Variants in PRKCQ observed in about 807,000 individuals in gnomAD.
The protein encoded by PRKCQ is protein kinase C theta.
A neutral mutation model predicts 91.2 loss-of-function variants in PRKCQ; 41 were observed. The ratio of observed to expected loss-of-function variants is 0.45; its 90% CI spans 0.35 to 0.58. The LOEUF (loss-of-function observed/expected upper bound fraction) is 0.58, where lower values mean the gene tolerates loss of function less well. Ranked by LOEUF, PRKCQ falls within the 20% of genes least tolerant of loss-of-function variation. The probability of loss-of-function intolerance (pLI) is 0.00; values close to 1 mark genes in which losing one functional copy is unlikely to be tolerated. For synonymous variants in PRKCQ, 307 were observed against 316.9 expected (o/e 0.97, Z 0.33); for missense variants, 673 against 896.5 (o/e 0.75, Z 3.18).
At chr10:6,401,511 G>GT in the PRKCQ span, among the ~76,000 whole-genome samples, 874 of 146,444 alleles carry the variant, frequency 6.0e-3, 5 homozygotes, top group Admixed American at 0.014. Flanking sequence ...GAGAGGGCTG[G>GT]TTTTTTTTTT....
chr10:6,408,961 G>A, the PRKCQ span, among the ~76,000 whole-genome samples: 4 of 152,170 alleles, frequency 2.6e-5, no homozygotes, highest in Non-Finnish European at 4.4e-5. Context: ...ATTGTTTTCC[G>A]AAGCTACTGT....
intron 16 of PRKCQ, among the ~76,000 whole-genome samples, chr10:6,435,182 C>T (rs1347308863): frequency 6.6e-6 from 1 of 152,228 alleles, no homozygotes; most frequent in Admixed American, 6.5e-5. Context: ...AGAGCACAGC[C>T]TCTCCCAGTG....
At chr10:6,458,092 G>A (rs1448666370) in intron 14 of PRKCQ, among the ~76,000 whole-genome samples, 1 of 152,148 alleles carries the variant, frequency 6.6e-6, no homozygotes, top group Non-Finnish European at 1.5e-5. Context: ...CCATCGCCAT[G>A]CCTGGCTAAT....
intron 11 of PRKCQ, among the ~76,000 whole-genome samples, chr10:6,480,529 C>G (rs983802053): frequency 3.3e-5 from 5 of 152,242 alleles, no homozygotes; most frequent in African/African-American, 1.2e-4. Context: ...AAAATTCTAG[C>G]TCTAGTTTTA....
At chr10:6,550,987 G>A (rs1840161227) in intron 1 of PRKCQ, among the ~76,000 whole-genome samples, 1 of 152,092 alleles carries the variant, frequency 6.6e-6, no homozygotes, top group Non-Finnish European at 1.5e-5. Context: ...GTAATGTTGA[G>A]CATCTTCTCT....
intron 1 of PRKCQ, among the ~76,000 whole-genome samples, chr10:6,551,788 CGT>C (rs1564388856): frequency 1.3e-5 from 2 of 152,196 alleles, no homozygotes; most frequent in Non-Finnish European, 1.5e-5. Flanking sequence ...CACACACGTG[CGT>C]GTGTCTTTAT....
chr10:6,472,558 G>T (rs748574637), intron 12 of PRKCQ, among the ~76,000 whole-genome samples: 1 of 152,134 alleles, frequency 6.6e-6, no homozygotes, highest in African/African-American at 2.4e-5. Context: ...TGCGTTTTAC[G>T]CCTTGAGAGA....
intron 1 of PRKCQ, among the ~76,000 whole-genome samples, chr10:6,556,203 G>T (rs1289252045): frequency 6.6e-6 from 1 of 152,174 alleles, no homozygotes; most frequent in Non-Finnish European, 1.5e-5. Flanking sequence ...GCTGAGATAG[G>T]AGGATCACTT....
intron 1 of PRKCQ, among the ~76,000 whole-genome samples, chr10:6,553,722 T>C (rs1019509867): frequency 3.9e-5 from 6 of 152,062 alleles, no homozygotes; most frequent in Non-Finnish European, 7.4e-5. Flanking sequence ...TGCAAAGCAA[T>C]AGACCTACAA....
rs564565263 is a variant in PRKCQ, at chr10:6,427,984, G to A, written c.*223C>T. On this transcript the variant is annotated 3_prime_UTR_variant, in exon 18 of 18. Coordinates refer to ENST00000263125, the MANE Select transcript of PRKCQ (RefSeq NM_006257.5). ...GGTTAGTAATGACCTAACTTCAGGA[G>A]CGTCTGTGAGACATGTCAGGAGACG... 1 of 563,498 alleles carries A rather than the reference G, an allele frequency of 1.8e-6. No homozygotes were observed. The allele number at this position is 563,498 out of a possible 1,614,324, so 34.9% of individuals were successfully genotyped here. A position where few individuals can be genotyped will look rare whatever the true frequency, so the allele number is the denominator to read the frequency against.
At position 6,478,960 on chromosome 10, in the gene PRKCQ, G is replaced by A. The variant is rs749720348; in HGVS notation, c.1353+32C>T. The A allele has an allele frequency of 3.7e-6, 6 of 1,610,766 alleles. No individual in the cohort carries two copies. In the South Asian group the frequency reaches 5.5e-5, roughly 15 times the overall value. ...GGTATCATGCTGAGACAGGTTAGAG[G>A]GGAGGTAGGGTTGTCGGAGCAGAAG... is the stretch of plus-strand genomic sequence containing the variant. On this transcript the variant is annotated intron_variant, in intron 12 of 17. Transcript: ENST00000263125.
chr10:6,431,971 TTAAA>T (rs1185833979), intron 16 of PRKCQ, among the ~76,000 whole-genome samples: 4 of 152,202 alleles, frequency 2.6e-5, no homozygotes, highest in Non-Finnish European at 4.4e-5. Context: ...TTTTTCAAAC[TTAAA>T]TAAAACCTGT....
At chr10:6,470,900 G>A (rs951632470) in intron 12 of PRKCQ, among the ~76,000 whole-genome samples, 4 of 149,638 alleles carry the variant, frequency 2.7e-5, no homozygotes, top group African/African-American at 5.0e-5. Context: ...GTATTGAGCC[G>A]CCTGGGCAAC....
chr10:6,490,415 A>T (rs1837219277), intron 8 of PRKCQ, among the ~76,000 whole-genome samples: 1 of 152,070 alleles, frequency 6.6e-6, no homozygotes, highest in Non-Finnish European at 1.5e-5. Flanking sequence ...TATATATTTA[A>T]TACTTCATCA....
At chr10:6,501,542 C>A (rs887685865) in intron 4 of PRKCQ, among the ~76,000 whole-genome samples, 2 of 151,964 alleles carry the variant, frequency 1.3e-5, no homozygotes, top group African/African-American at 4.8e-5. Context: ...AGGGTCTCGG[C>A]TGGGCGTGGT....
chr10:6,497,944 C>G lies in PRKCQ; in HGVS notation c.542+452G>C, dbSNP rs901298104. ...TGCTATGTGGTTACTGAGGTTTAAACTGATCTGTTTGATGGCTATTAAGAT... is the reference window on the plus strand; with the variant it reads ...TGCTATGTGGTTACTGAGGTTTAAAGTGATCTGTTTGATGGCTATTAAGAT... On this transcript the variant is annotated intron_variant, in intron 5 of 17. Transcript: ENST00000263125. The surrounding 1 kb of genome is among the most constrained non-coding windows in gnomAD (Gnocchi z 4.5). Among the ~76,000 whole-genome samples, 1 of 152,182 alleles carries G rather than the reference C, an allele frequency of 6.6e-6. No individual in the cohort carries two copies. The highest frequency in any genetic ancestry group is 1.9e-4 in the East Asian group (1 of 5,200).
intron 1 of PRKCQ, among the ~76,000 whole-genome samples, chr10:6,564,201 G>GA (rs1840746083): frequency 1.3e-5 from 2 of 152,288 alleles, no homozygotes; most frequent in East Asian, 3.9e-4. Flanking sequence ...CTTTGCAGGG[G>GA]AGTGCAGCAA....
At chr10:6,529,464 C>T (rs1413698903) in intron 1 of PRKCQ, among the ~76,000 whole-genome samples, 2 of 152,168 alleles carry the variant, frequency 1.3e-5, no homozygotes, top group Non-Finnish European at 2.9e-5. Flanking sequence ...GAAGAGCACA[C>T]CACCCAAAAC....
chr10:6,408,911 A>G, the PRKCQ span, among the ~76,000 whole-genome samples: 2 of 152,238 alleles, frequency 1.3e-5, no homozygotes, highest in Admixed American at 6.5e-5. Flanking sequence ...AACGGTGGTC[A>G]TAGAGCATGT....
Sources: allele counts gnomAD v4.1 joint callset (sites outside exome capture counted in the v4.1 genomes callset), GRCh38; gene constraint gnomAD v4.1.1; non-coding constraint Gnocchi (gnomAD v3.1); transcripts MANE v1.5; gene names NCBI Gene and HGNC (gene_info 2026-07-23, HGNC 2026-07-21).